PLCB4: variants seen among roughly 807,000 people sequenced by gnomAD.
PLCB4 encodes 1-phosphatidylinositol 4,5-bisphosphate phosphodiesterase beta-4.
PLCB4 carries 77 observed loss-of-function variants against 178.8 expected under a neutral mutation model. The observed-to-expected ratio is 0.43, with a 90% CI of 0.36 to 0.52. The LOEUF is 0.52. PLCB4 is among the 20% of genes least tolerant of loss of function. The pLI is 0.00. For synonymous variants in PLCB4, 496 were observed against 490.8 expected (o/e 1.01, Z -0.14); for missense variants, 1,024 against 1,453.4 (o/e 0.70, Z 4.80).
chr20:9,450,807 C>A (rs1339134659), intron 32 of PLCB4, among the ~76,000 whole-genome samples: 2 of 151,790 alleles, frequency 1.3e-5, no homozygotes, highest in Non-Finnish European at 2.9e-5. Context: ...CACCACCATG[C>A]CCGGCTAATT....
At chr20:9,122,920 A>G (rs1420729588) in intron 2 of PLCB4, among the ~76,000 whole-genome samples, 1 of 152,174 alleles carries the variant, frequency 6.6e-6, no homozygotes, top group Non-Finnish European at 1.5e-5. Flanking sequence ...GTACTGCATC[A>G]TGGACCTGTC....
At chr20:9,462,601 C>T (rs1347859922) in intron 35 of PLCB4, among the ~76,000 whole-genome samples, 1 of 152,112 alleles carries the variant, frequency 6.6e-6, no homozygotes, top group East Asian at 1.9e-4. Context: ...AACCATGGCA[C>T]GAGAGCTTCG....
At chr20:9,199,215 C>T (rs2093511194) in intron 2 of PLCB4, among the ~76,000 whole-genome samples, 1 of 152,168 alleles carries the variant, frequency 6.6e-6, no homozygotes, top group Non-Finnish European at 1.5e-5. Flanking sequence ...TGGATTGTAA[C>T]ACTAAATCAC....
At chr20:9,180,643 T>C (rs1319514336) in intron 2 of PLCB4, among the ~76,000 whole-genome samples, 1 of 152,126 alleles carries the variant, frequency 6.6e-6, no homozygotes, top group Non-Finnish European at 1.5e-5. Context: ...GCTGCTAGAG[T>C]GCAGTCAACC....
intron 33 of PLCB4, among the ~76,000 whole-genome samples, chr20:9,454,942 C>T (rs1449266145): frequency 6.6e-6 from 1 of 152,108 alleles, no homozygotes; most frequent in Non-Finnish European, 1.5e-5. Context: ...CAGAAATGTG[C>T]CTGTTGCTTA....
rs1168129781 is a variant in PLCB4 at position 9,305,498 on chromosome 20, A to T, written c.-15-2302A>T. 3.3e-5 allele frequency among the ~76,000 whole-genome samples: 5 copies of T among 152,074 alleles called. No individual in the cohort carries two copies. The East Asian group carries it at 9.6e-4, about 29-fold the overall frequency. ...CACAACTCATATATTGATATAATCT[A>T]GGATTTGGGTTGGCTAATTTTTAAA... On this transcript the variant is annotated intron_variant, in intron 3 of 39. Transcript: ENST00000378473.
intron 2 of PLCB4, among the ~76,000 whole-genome samples, chr20:9,121,340 G>A (rs908587027): frequency 5.9e-5 from 9 of 151,858 alleles, no homozygotes; most frequent in African/African-American, 1.9e-4. Flanking sequence ...TTCTCTCCTT[G>A]CTTCTGGCTT....
At chr20:9,240,429 C>G (rs1313438748) in intron 3 of PLCB4, among the ~76,000 whole-genome samples, 2 of 152,118 alleles carry the variant, frequency 1.3e-5, no homozygotes. Context: ...TATATTATTT[C>G]TCTCTGCTCA....
chr20:9,205,753 G>C (rs547268892), intron 2 of PLCB4, among the ~76,000 whole-genome samples: 1 of 152,142 alleles, frequency 6.6e-6, no homozygotes, highest in African/African-American at 2.4e-5. Flanking sequence ...AAGGATCTCT[G>C]TGCCACAGCC....
chr20:9,254,346 C>G (rs2094211569), intron 3 of PLCB4, among the ~76,000 whole-genome samples: 1 of 152,162 alleles, frequency 6.6e-6, no homozygotes, highest in Non-Finnish European at 1.5e-5. Flanking sequence ...ATAAAAATGT[C>G]TCAGCCTAGA....
At chr20:9,132,476 C>G (rs2092294697) in intron 2 of PLCB4, among the ~76,000 whole-genome samples, 1 of 152,142 alleles carries the variant, frequency 6.6e-6, no homozygotes, top group African/African-American at 2.4e-5. Context: ...GCAGTGACTC[C>G]AAGTCCTACA....
intron 3 of PLCB4, among the ~76,000 whole-genome samples, chr20:9,267,914 C>G (rs1231971378): frequency 6.6e-6 from 1 of 152,072 alleles, no homozygotes; most frequent in African/African-American, 2.4e-5. Context: ...GCATGCCTCC[C>G]TGAGGTGGCA....
chr20:9,283,053 G>A (rs1189793557), intron 3 of PLCB4, among the ~76,000 whole-genome samples: 1 of 152,000 alleles, frequency 6.6e-6, no homozygotes, highest in African/African-American at 2.4e-5. Context: ...GAGAAGCTGT[G>A]TAGTCATATT....
intron 2 of PLCB4, among the ~76,000 whole-genome samples, chr20:9,136,599 C>G (rs2092388687): frequency 6.6e-6 from 1 of 152,010 alleles, no homozygotes; most frequent in Admixed American, 6.6e-5. Context: ...TGGTTGATAA[C>G]TGAATCAGTG....
At chr20:9,271,908 G>T (rs2094407170) in intron 3 of PLCB4, among the ~76,000 whole-genome samples, 1 of 152,014 alleles carries the variant, frequency 6.6e-6, no homozygotes, top group South Asian at 2.1e-4. Flanking sequence ...TGGGTGTGGG[G>T]GCTCACACCT....
chr20:9,426,982 T>A (rs965411662), intron 28 of PLCB4, among the ~76,000 whole-genome samples: 1 of 151,992 alleles, frequency 6.6e-6, no homozygotes, highest in Non-Finnish European at 1.5e-5. Flanking sequence ...CCCAGCACTT[T>A]GGGAGGCCGA....
At chr20:9,364,440 G>A (rs550136148) in intron 8 of PLCB4, among the ~76,000 whole-genome samples, 1 of 152,298 alleles carries the variant, frequency 6.6e-6, no homozygotes, top group South Asian at 2.1e-4. Context: ...GCCCTCTGCT[G>A]AAGGGGAGCT....
chr20:9,071,188 C>T (rs2089554321), intron 1 of PLCB4, among the ~76,000 whole-genome samples: 1 of 152,178 alleles, frequency 6.6e-6, no homozygotes, highest in Non-Finnish European at 1.5e-5. Flanking sequence ...ATTTGTATCA[C>T]CTCTGAAATA....
At chr20:9,355,828 G>A (rs1443678868) in intron 7 of PLCB4, among the ~76,000 whole-genome samples, 2 of 151,984 alleles carry the variant, frequency 1.3e-5, no homozygotes, top group East Asian at 1.9e-4. Flanking sequence ...GGGATGGCTG[G>A]GTCAAATGGT....
Sources: allele counts gnomAD v4.1 joint callset (sites outside exome capture counted in the v4.1 genomes callset), GRCh38; gene constraint gnomAD v4.1.1; transcripts MANE v1.5; gene names NCBI Gene and HGNC (gene_info 2026-07-23, HGNC 2026-07-21).